Variants in CTNNA3 observed in about 807,000 individuals in gnomAD.
CTNNA3 encodes the protein catenin alpha-3.
Under a neutral mutation model 95.7 loss-of-function variants are expected in CTNNA3, and 76 were observed. The observed-to-expected ratio is 0.79, with a 90% CI of 0.66 to 0.96. The LOEUF is 0.96. Among genes scored for constraint, CTNNA3 ranks in the 40% least tolerant of loss-of-function variants. CTNNA3 has a pLI of 0.00. For missense variants in CTNNA3, 1,191 were observed against 1,089.8 expected (o/e 1.09, Z -1.31); for synonymous variants, 431 against 374.4 (o/e 1.15, Z -1.74).
chr10:66,511,018 G>T (rs943150313), intron 11 of CTNNA3, among the ~76,000 whole-genome samples: 6 of 151,610 alleles, frequency 4.0e-5, no homozygotes, highest in Admixed American at 3.9e-4. Flanking sequence ...ATCTGGTCTT[G>T]GACTTTTCTT....
At chr10:67,098,136 C>A in intron 7 of CTNNA3, 1 of 298,216 alleles carries the variant, frequency 3.4e-6, no homozygotes, top group Non-Finnish European at 6.5e-6. Flanking sequence ...ATTGTAGAAA[C>A]AACTGGTATG....
intron 5 of CTNNA3, among the ~76,000 whole-genome samples, chr10:67,393,142 G>C (rs1202131252): frequency 6.6e-6 from 1 of 152,082 alleles, no homozygotes; most frequent in Non-Finnish European, 1.5e-5. Flanking sequence ...CCTGCAGTAT[G>C]GACTTCTACT....
intron 13 of CTNNA3, among the ~76,000 whole-genome samples, chr10:66,201,787 T>C (rs1378347385): frequency 7.1e-6 from 1 of 140,420 alleles, no homozygotes; most frequent in Non-Finnish European, 1.6e-5. Context: ...CTTTTTCTTT[T>C]TTTTTTTTTT....
intron 1 of CTNNA3, among the ~76,000 whole-genome samples, chr10:67,756,881 T>C (rs2131754173): frequency 6.6e-6 from 1 of 152,266 alleles, no homozygotes; most frequent in Non-Finnish European, 1.5e-5. Context: ...TGTACACAGT[T>C]ACAGCTATGT....
chr10:66,810,505 C>G (rs1161347259), intron 7 of CTNNA3, among the ~76,000 whole-genome samples: 3 of 152,178 alleles, frequency 2.0e-5, no homozygotes, highest in Admixed American at 6.5e-5. Flanking sequence ...ATCTCCCATC[C>G]ATTGACTTAT....
At chr10:66,815,282 C>G (rs575861188) in intron 7 of CTNNA3, among the ~76,000 whole-genome samples, 4 of 152,144 alleles carry the variant, frequency 2.6e-5, no homozygotes, top group African/African-American at 9.6e-5. Context: ...GTAAGAACAG[C>G]AAATTTTATG....
At chr10:67,659,792 T>C (rs1840127698) in intron 1 of CTNNA3, among the ~76,000 whole-genome samples, 1 of 152,198 alleles carries the variant, frequency 6.6e-6, no homozygotes, top group African/African-American at 2.4e-5. Flanking sequence ...CATTCCATAA[T>C]ATTGTAAAAC....
At chr10:66,867,692 G>A (rs1844233418) in intron 7 of CTNNA3, among the ~76,000 whole-genome samples, 1 of 151,974 alleles carries the variant, frequency 6.6e-6, no homozygotes, top group African/African-American at 2.4e-5. Flanking sequence ...TGTCGTTATT[G>A]GGAACAAAAA....
intron 7 of CTNNA3, among the ~76,000 whole-genome samples, chr10:66,966,485 AT>A (rs35922630): frequency 0.49 from 73,275 of 150,598 alleles, 18,081 homozygotes; most frequent in East Asian, 0.65. Context: ...TATGTAATAT[AT>A]TTTTTTTTTC....
At chr10:66,362,069 A>G (rs1440147041) in intron 12 of CTNNA3, among the ~76,000 whole-genome samples, 3 of 150,602 alleles carry the variant, frequency 2.0e-5, no homozygotes, top group Non-Finnish European at 3.0e-5. Context: ...GATATTTTCC[A>G]GCAAATATCA....
intron 7 of CTNNA3, among the ~76,000 whole-genome samples, chr10:66,989,165 C>A (rs1004797555): frequency 6.6e-6 from 1 of 152,046 alleles, no homozygotes; most frequent in Non-Finnish European, 1.5e-5. Context: ...GGAGTAAAAT[C>A]TTTTTGAAGG....
chr10:66,121,242 C>T (rs1318822892), intron 13 of CTNNA3, among the ~76,000 whole-genome samples: 1 of 152,162 alleles, frequency 6.6e-6, no homozygotes, highest in Non-Finnish European at 1.5e-5. Context: ...AAAAAGATCC[C>T]TATTAGCCTT....
chr10:67,438,053 C>A (rs1437717428), intron 5 of CTNNA3, among the ~76,000 whole-genome samples: 2 of 151,524 alleles, frequency 1.3e-5, no homozygotes, highest in South Asian at 2.1e-4. Context: ...AAAAAGACTG[C>A]ATTTGAAAGA....
At chr10:66,688,690 G>T (rs571766789) in intron 9 of CTNNA3, among the ~76,000 whole-genome samples, 1 of 152,032 alleles carries the variant, frequency 6.6e-6, no homozygotes, top group African/African-American at 2.4e-5. Flanking sequence ...AGCAGAGACC[G>T]GCCGGGCGCG....
chr10:67,553,260 C>T (rs1242977309), intron 3 of CTNNA3, among the ~76,000 whole-genome samples: 1 of 152,014 alleles, frequency 6.6e-6, no homozygotes, highest in African/African-American at 2.4e-5. Context: ...GTAACTATAC[C>T]CCTTAAATCT....
Position 67,574,741 on chromosome 10 carries a change from C to T in CTNNA3, c.292+32116G>A, listed in dbSNP as rs183208771. 1.5e-3 allele frequency among the ~76,000 whole-genome samples: 231 copies of T among 152,002 alleles called. 1 individual carries two copies. Among genetic ancestry groups the T allele is most frequent in the Admixed American group, 2.2e-3 (33 of 15,258 alleles). Reference sequence around the variant, plus strand: ...GACTACAGGCACCCACCGCCATGCCCGGCCAATTTTTGTATTTTTAGTAGA... The same window carrying T: ...GACTACAGGCACCCACCGCCATGCCTGGCCAATTTTTGTATTTTTAGTAGA... On this transcript the variant is annotated intron_variant, in intron 3 of 17. Coordinates refer to ENST00000433211, the MANE Select transcript of CTNNA3 (RefSeq NM_013266.4).
At chr10:66,539,063 T>C (rs1564520192) in intron 10 of CTNNA3, among the ~76,000 whole-genome samples, 3 of 152,204 alleles carry the variant, frequency 2.0e-5, no homozygotes, top group South Asian at 2.1e-4. Flanking sequence ...ATATTACTCA[T>C]AGAGTTGTTT....
chr10:65,969,938 T>A (rs543279345), intron 16 of CTNNA3, among the ~76,000 whole-genome samples: 38 of 152,032 alleles, frequency 2.5e-4, no homozygotes, highest in Middle Eastern at 3.4e-3. Flanking sequence ...AGAGATACTA[T>A]ACAAAAAGGA....
chr10:66,295,827 G>A (rs758956267), intron 12 of CTNNA3, among the ~76,000 whole-genome samples: 16 of 152,172 alleles, frequency 1.1e-4, no homozygotes, highest in Non-Finnish European at 1.8e-4. Flanking sequence ...CCCACGTTCT[G>A]TCAGGCAGAA....
Sources: gnomAD v4.1 joint callset for allele counts (sites outside exome capture counted in the v4.1 genomes callset) on GRCh38, gnomAD v4.1.1 for gene constraint, MANE v1.5 for transcripts, NCBI Gene and HGNC (gene_info 2026-07-23, HGNC 2026-07-21) for gene names.